The following SNX29 variants were observed in gnomAD, a reference collection of about 807,000 sequenced individuals.
SNX29 encodes sorting nexin 29.
SNX29 carries 78 observed loss-of-function variants against 102.1 expected under a neutral mutation model. The observed-to-expected ratio is 0.76, with a 90% CI of 0.64 to 0.92. The LOEUF is 0.92. SNX29 is among the 40% of genes least tolerant of loss of function. The pLI is 0.00. For synonymous variants in SNX29, 580 were observed against 414.5 expected (o/e 1.40, Z -4.85); for missense variants, 1,280 against 1,061.7 (o/e 1.21, Z -2.86).
At position 12,158,275 on chromosome 16, in the gene SNX29, C is replaced by T. The variant is rs1280089981; in HGVS notation, c.1595+28517C>T. On this transcript the variant is annotated intron_variant, in intron 13 of 20. Coordinates refer to ENST00000566228, the MANE Select transcript of SNX29 (RefSeq NM_032167.5). The stretch of plus-strand genomic sequence containing the variant: ...AGTGCAGTGGCGCAATCTCGGCTTA[C>T]TGCAATCTCCGCCTCCAGGGTTCAA... Among the ~76,000 whole-genome samples the T allele has an allele frequency of 3.3e-5, 5 of 152,126 alleles. No homozygotes were observed. In the East Asian group the frequency reaches 7.7e-4, roughly 23 times the overall value.
At chr16:12,555,156 AGG>A (rs1398113163) in intron 20 of SNX29, among the ~76,000 whole-genome samples, 9 of 151,890 alleles carry the variant, frequency 5.9e-5, no homozygotes, top group African/African-American at 2.2e-4. Context: ...CAGGAGTGAC[AGG>A]GTCTGGCATC....
At chr16:12,532,036 C>G (rs1013260735) in intron 20 of SNX29, among the ~76,000 whole-genome samples, 1 of 152,146 alleles carries the variant, frequency 6.6e-6, no homozygotes, top group African/African-American at 2.4e-5. Context: ...GGTGTCACCA[C>G]ATGGAGCTGC....
chr16:12,069,073 C>T lies in SNX29; in HGVS notation c.1260C>T (p.Ser420=), dbSNP rs2051172487. 1 of 1,613,858 alleles carries T rather than the reference C, an allele frequency of 6.2e-7. No individual in the cohort carries two copies. The change falls in exon 10 of 21, where the codon AGC becomes AGT. Residue 420 remains serine, a synonymous_variant. Transcript: ENST00000566228. ...TCTGCACAGATGCCCCCCTCGGAAG[C>T]CTGGAGAACGGGACAGGACCAGAGG... ...SYSPADAPLG[S]LENGTGPEDH...
chr16:12,497,197 A>C (rs1458349689), intron 19 of SNX29, among the ~76,000 whole-genome samples: 1 of 152,264 alleles, frequency 6.6e-6, no homozygotes, highest in Non-Finnish European at 1.5e-5. Context: ...GCATCTTAAG[A>C]GTTCTTGGCA....
intron 19 of SNX29, among the ~76,000 whole-genome samples, chr16:12,514,393 T>G (rs1009915259): frequency 6.6e-6 from 1 of 152,150 alleles, no homozygotes; most frequent in Non-Finnish European, 1.5e-5. Context: ...TTCAGGCTCC[T>G]CCCTGCCCTG....
chr16:11,998,535 G>A (rs2056171627), intron 1 of SNX29, among the ~76,000 whole-genome samples: 1 of 152,178 alleles, frequency 6.6e-6, no homozygotes, highest in African/African-American at 2.4e-5. Flanking sequence ...AGTGATATCA[G>A]GGCTGGTGTC....
intron 20 of SNX29, among the ~76,000 whole-genome samples, chr16:12,564,621 C>T (rs957640051): frequency 6.6e-6 from 1 of 151,332 alleles, no homozygotes; most frequent in African/African-American, 2.5e-5. Context: ...GACCTAGTCC[C>T]AGCATTAACA....
chr16:12,168,389 C>A (rs1214678112), intron 13 of SNX29, among the ~76,000 whole-genome samples: 1 of 152,130 alleles, frequency 6.6e-6, no homozygotes, highest in East Asian at 1.9e-4. Flanking sequence ...GCTTAAGGAA[C>A]CCTTGTCACG....
chr16:12,218,956 A>G (rs538103270), intron 14 of SNX29, among the ~76,000 whole-genome samples: 4 of 152,172 alleles, frequency 2.6e-5, no homozygotes, highest in African/African-American at 9.6e-5. Flanking sequence ...TTGTATTTTT[A>G]GTAGAGACGG....
At chr16:12,383,867 C>T (rs1336434284) in intron 16 of SNX29, among the ~76,000 whole-genome samples, 2 of 151,638 alleles carry the variant, frequency 1.3e-5, no homozygotes, top group African/African-American at 4.9e-5. Context: ...GCCCTCCTCC[C>T]TCCACTACCC....
intron 13 of SNX29, chr16:12,135,414 C>T: frequency 3.5e-6 from 3 of 856,022 alleles, no homozygotes; most frequent in Non-Finnish European, 5.0e-6. Flanking sequence ...GCAGCCCACC[C>T]AGGCCTGGAC....
intron 15 of SNX29, among the ~76,000 whole-genome samples, chr16:12,293,721 A>C (rs2079880642): frequency 6.6e-6 from 1 of 152,198 alleles, no homozygotes. Context: ...GAATATTTGA[A>C]CAGATTAAAA....
chr16:12,370,737 G>A (rs1009813158), intron 16 of SNX29, among the ~76,000 whole-genome samples: 2 of 152,158 alleles, frequency 1.3e-5, no homozygotes, highest in Non-Finnish European at 2.9e-5. Context: ...ATGCTGTTTC[G>A]CTGTGTGTTT....
intron 20 of SNX29, among the ~76,000 whole-genome samples, chr16:12,562,039 T>C (rs1400529098): frequency 6.6e-6 from 1 of 151,866 alleles, no homozygotes; most frequent in Non-Finnish European, 1.5e-5. Context: ...GATTTAGGGA[T>C]GGAATCATCT....
chr16:12,303,099 T>A (rs992564818), intron 15 of SNX29, among the ~76,000 whole-genome samples: 1 of 152,250 alleles, frequency 6.6e-6, no homozygotes, highest in Non-Finnish European at 1.5e-5. Flanking sequence ...CAGAGAATCT[T>A]CTTTTGCAAT....
intron 11 of SNX29, among the ~76,000 whole-genome samples, chr16:12,094,624 A>T (rs940564486): frequency 2.6e-5 from 4 of 152,138 alleles, no homozygotes; most frequent in Non-Finnish European, 5.9e-5. Flanking sequence ...CCCAGGGGAC[A>T]TTTAGCCATG....
intron 19 of SNX29, among the ~76,000 whole-genome samples, chr16:12,507,113 A>G (rs896407604): frequency 6.6e-6 from 1 of 152,180 alleles, no homozygotes; most frequent in Admixed American, 6.5e-5. Context: ...CACTGCAACT[A>G]TTGTTATCAT....
In SNX29 at chr16:12,570,597, G is replaced by C; in HGVS notation, c.*1968G>C. 8.6e-6 allele frequency: 2 copies of C among 232,186 alleles called. No individual in the cohort carries two copies. Among genetic ancestry groups the C allele is most frequent in the Middle Eastern group, 2.6e-3 (2 of 784 alleles). The allele number at this position is 232,186 out of a possible 1,614,324, so 14.4% of individuals were successfully genotyped here. On this transcript the variant is annotated 3_prime_UTR_variant, in exon 21 of 21. Transcript: ENST00000566228. ...CCTCCCTGGCCTGGGTAGCTACCCT[G>C]GAGGTCATCTCCCTGTTCTCTGTTG...
chr16:12,539,537 T>G (rs2077228994), intron 20 of SNX29, among the ~76,000 whole-genome samples: 1 of 152,228 alleles, frequency 6.6e-6, no homozygotes, highest in Non-Finnish European at 1.5e-5. Context: ...TGAATAGAGC[T>G]AGTGGAAACA....
Sources: allele counts gnomAD v4.1 joint callset (sites outside exome capture counted in the v4.1 genomes callset), GRCh38; gene constraint gnomAD v4.1.1; transcripts MANE v1.5; gene names NCBI Gene and HGNC (gene_info 2026-07-23, HGNC 2026-07-21).